The following RRP7A variants were observed in gnomAD, a reference collection of about 807,000 sequenced individuals.
RRP7A encodes ribosomal RNA processing 7 homolog A.
In RRP7A, 27 loss-of-function variants were observed where a neutral mutation model predicts 38.4. The observed-to-expected ratio is 0.70, with a 90% CI of 0.52 to 0.97. The LOEUF (loss-of-function observed/expected upper bound fraction) is 0.97, where lower values mean the gene tolerates loss of function less well. RRP7A is among the 50% of genes least tolerant of loss of function. The pLI, the probability that RRP7A is intolerant of heterozygous loss-of-function variation, is 0.00. For synonymous variants in RRP7A, 124 were observed against 150.3 expected (o/e 0.83, Z 1.28); for missense variants, 327 against 375.4 (o/e 0.87, Z 1.07).
At position 42,509,185 on chromosome 22, in the gene RRP7A, G is replaced by A; in HGVS notation, c.*3725C>T. 3 of 1,602,774 alleles carry A rather than the reference G, an allele frequency of 1.9e-6. No homozygotes were observed. The East Asian group carries it at 6.8e-5, about 36-fold the overall frequency. ...CCAGGAATCTCTGGGAGGGGGCCCT[G>A]GCATGAGGCTCCAAGTTCTCTGCGT... On this transcript the variant is annotated 3_prime_UTR_variant, in exon 7 of 7. Transcript: ENST00000323013.
At position 42,514,470 on chromosome 22, in the gene RRP7A, G is replaced by A. The variant is rs991405134; in HGVS notation, c.559-166C>T. Among the ~76,000 whole-genome samples, 5 of 152,118 alleles carry A rather than the reference G, an allele frequency of 3.3e-5. No homozygotes were observed. The East Asian group carries it at 5.8e-4, about 18-fold the overall frequency. On this transcript the variant is annotated intron_variant, in intron 5 of 6. Transcript: ENST00000323013. ...GGGCTAAGGATGGCGGGGAGGGCAC[G>A]GACCTGCCGGCACTGCCTCCTTCTC...
At chr22:42,517,542 C>G (rs1690817816) in intron 2 of RRP7A, among the ~76,000 whole-genome samples, 1 of 151,832 alleles carries the variant, frequency 6.6e-6, no homozygotes, top group African/African-American at 2.4e-5. Context: ...TTTTTTGAGT[C>G]AGAGTCTCAC....
intron 5 of RRP7A, 87 bp from the exon 6 acceptor site, chr22:42,514,391 C>G: frequency 2.1e-6 from 2 of 946,138 alleles, no homozygotes; most frequent in Non-Finnish European, 3.2e-6. Flanking sequence ...AAAGTCAGAA[C>G]TGCCCTGAGC....
rs1013167378 is a variant in RRP7A at position 42,510,722 on chromosome 22, G to C, written c.*2188C>G. The C allele has an allele frequency of 5.9e-6, 9 of 1,522,874 alleles. No homozygotes were observed. The South Asian group carries it at 9.6e-5, about 16-fold the overall frequency. 94.3% of individuals were successfully genotyped at this position (1,522,874 alleles called of 1,614,324 possible). A position where few individuals can be genotyped will look rare whatever the true frequency, so the allele number is the denominator to read the frequency against. ...AGACACAATGAAATCCACCCTCAAA[G>C]AGGTAAGGCGGGGCTCAGGCAGCTG... On this transcript the variant is annotated 3_prime_UTR_variant, in exon 7 of 7. Coordinates refer to ENST00000323013, the MANE Select transcript of RRP7A (RefSeq NM_015703.5).
intron 3 of RRP7A, among the ~76,000 whole-genome samples, chr22:42,515,519 T>G (rs977825085): frequency 1.3e-5 from 2 of 152,200 alleles, no homozygotes; most frequent in Non-Finnish European, 2.9e-5. Flanking sequence ...CAGAGGCTTC[T>G]TTTCTTCCAG....
intron 4 of RRP7A, among the ~76,000 whole-genome samples, 162 bp from the exon 5 acceptor site, chr22:42,514,941 C>T (rs1569260522): frequency 6.6e-6 from 1 of 150,816 alleles, no homozygotes; most frequent in Non-Finnish European, 1.5e-5. Flanking sequence ...TCTGCCTGCC[C>T]AGTATGCCTG....
In RRP7A at chr22:42,510,889, AGG is replaced by A. The variant is rs1422989202; in HGVS notation, c.*2019_*2020del. 19 of 742,268 alleles carry A rather than the reference AGG, an allele frequency of 2.6e-5. No individual in the cohort carries two copies. The highest frequency in any genetic ancestry group is 3.3e-5 in the Non-Finnish European group (19 of 569,418). 46.0% of individuals were successfully genotyped at this position (742,268 alleles called of 1,614,324 possible). ...TCATGCTCCAGTGATCAGTCCCTAGAGGCCTGGGGACACATGTAATCAGAATT... is the reference window on the plus strand; with the variant it reads ...TCATGCTCCAGTGATCAGTCCCTAGACCTGGGGACACATGTAATCAGAATT... On this transcript the variant is annotated 3_prime_UTR_variant, in exon 7 of 7. Coordinates refer to ENST00000323013, the MANE Select transcript of RRP7A (RefSeq NM_015703.5).
intron 3 of RRP7A, 36 bp downstream of exon 3, chr22:42,515,975 C>G (rs548347780): frequency 5.0e-4 from 775 of 1,561,032 alleles, no homozygotes; most frequent in Middle Eastern, 3.5e-4. Context: ...GCCCCACCCC[C>G]CTCACTCTAG....
chr22:42,509,723 A>G lies in RRP7A; in HGVS notation c.*3187T>C, dbSNP rs1277469982. 6.6e-6 allele frequency among the ~76,000 whole-genome samples: 1 copy of G among 151,752 alleles called. No individual in the cohort carries two copies. The highest frequency in any genetic ancestry group is 1.5e-5 in the Non-Finnish European group (1 of 67,956). On this transcript the variant is annotated 3_prime_UTR_variant, in exon 7 of 7. Coordinates refer to ENST00000323013, the MANE Select transcript of RRP7A (RefSeq NM_015703.5). ...TGAAAACATCGCACTAAGTGGATGA[A>G]GTCAGACACAACCGTCTACGTGTTG... is the stretch of plus-strand genomic sequence containing the variant.
Position 42,512,891 on chromosome 22 carries a change from T to A in RRP7A, c.*19A>T. On this transcript the variant is annotated 3_prime_UTR_variant, in exon 7 of 7. Coordinates refer to ENST00000323013, the MANE Select transcript of RRP7A (RefSeq NM_015703.5). ...CTCCTGGCCCTGCACCTCCAGCCATTCACTGCGGCTCTCACAGCTCAGTAC... is the reference window on the plus strand; with the variant it reads ...CTCCTGGCCCTGCACCTCCAGCCATACACTGCGGCTCTCACAGCTCAGTAC... 1.9e-6 allele frequency: 3 copies of A among 1,561,882 alleles called. No individual in the cohort carries two copies. The highest frequency in any genetic ancestry group is 2.6e-6 in the Non-Finnish European group (3 of 1,137,526).
chr22:42,519,733 G>C lies in RRP7A; in HGVS notation c.54C>G (p.Pro18=), dbSNP rs3207601. ...CAARDPEDRI[P]SPLGYAAIPI... Reference sequence around the variant, plus strand: ...CCTCACCTGCGTAGCCCAGTGGGCTGGGGATACGGTCCTCCGGGTCCCGCG... The same window carrying C: ...CCTCACCTGCGTAGCCCAGTGGGCTCGGGATACGGTCCTCCGGGTCCCGCG... Residue 18 remains proline, a synonymous_variant, in exon 1 of 7, where the codon CCC becomes CCG. Transcript: ENST00000323013. 8.9e-6 allele frequency: 13 copies of C among 1,464,916 alleles called. No individual in the cohort carries two copies. Among genetic ancestry groups the C allele is most frequent in the Middle Eastern group, 3.6e-4 (2 of 5,504 alleles). The allele number at this position is 1,464,916 out of a possible 1,614,324, so 90.7% of individuals were successfully genotyped here. A position where few individuals can be genotyped will look rare whatever the true frequency, so the allele number is the denominator to read the frequency against.
At chr22:42,519,079 A>G (rs1259766800) in intron 1 of RRP7A, among the ~76,000 whole-genome samples, 75 of 147,860 alleles carry the variant, frequency 5.1e-4, no homozygotes, top group Admixed American at 1.5e-3. Context: ...AGAGGGGGGA[A>G]AAAGCATGTT....
Position 42,518,056 on chromosome 22 carries a change from C to A in RRP7A, c.165G>T (p.Trp55Cys). ...HGVRQGTKST[W>C]PQKRTLFVLN... is the part of the protein sequence containing the mutation. ...GGACAAAAAGAGTCCTCTTCTGAGG[C>A]CAGGTGGACTTGGTGCCTTGTCGAA... The change falls in exon 2 of 7, where the codon TGG becomes TGT. Residue 55 changes from tryptophan (W) to cysteine (C), a missense_variant. By Grantham distance (215) the Trp-to-Cys change is radical (BLOSUM62 -2). Transcript: ENST00000323013. 4 of 1,614,038 alleles carry A rather than the reference C, an allele frequency of 2.5e-6. No homozygotes were observed. The highest frequency in any genetic ancestry group is 3.4e-6 in the Non-Finnish European group (4 of 1,179,954).
rs753818776 is a variant in RRP7A at position 42,514,162 on chromosome 22, C to G, written c.701G>C (p.Ser234Thr). The change falls in exon 6 of 7, where the codon AGC becomes ACC. Residue 234 changes from serine to threonine, a missense_variant. Physicochemically the swap from Ser to Thr is moderately conservative, Grantham distance 58 (BLOSUM62 1). This residue lies in a region of RRP7A where 84 missense variants were observed against 82.8 expected (regional missense o/e 1.01). Coordinates refer to ENST00000323013, the MANE Select transcript of RRP7A (RefSeq NM_015703.5). Reference sequence around the variant, plus strand: ...GTAGAAGTTGAGCAGCTCTTTTCGGCTGCGCTTCCGTCTCTCCCTCTCCAG... The same window carrying G: ...GTAGAAGTTGAGCAGCTCTTTTCGGGTGCGCTTCCGTCTCTCCCTCTCCAG... The part of the protein sequence containing the change: ...RVLERERRKR[S>T]RKELLNFYAW... The G allele has an allele frequency of 6.2e-7, 1 of 1,613,406 alleles. No individual in the cohort carries two copies. The highest frequency in any genetic ancestry group is 1.1e-5 in the South Asian group (1 of 91,036).
chr22:42,516,124 G>A lies in RRP7A; in HGVS notation c.229C>T (p.Arg77Cys), dbSNP rs3207606. ...ACGAGGCCACAGGTGGACAGGAGGC[G>A]GGACAGGCTCTCCTGCCGCAGGGAG... Reference protein sequence around the residue: ...PPYCTEESLSRLLSTCGLVQS... With the variant: ...PPYCTEESLSCLLSTCGLVQS... The change falls in exon 3 of 7, where the codon CGC becomes TGC. Residue 77 changes from arginine (R) to cysteine (C), a missense_variant. Transcript: ENST00000323013. 1.4e-5 allele frequency: 23 copies of A among 1,613,092 alleles called. No individual in the cohort carries two copies. Among genetic ancestry groups the A allele is most frequent in the African/African-American group, 2.7e-5 (2 of 74,932 alleles).
rs138533898 is a variant in RRP7A at position 42,512,805 on chromosome 22, C to T, written c.*105G>A. ...GGCTGTTGGACGCGGTGGCCTTCAA[C>T]CTGGGGCCCGTTGGCCAGAGCTCGG... On this transcript the variant is annotated 3_prime_UTR_variant, in exon 7 of 7. Coordinates refer to ENST00000323013, the MANE Select transcript of RRP7A (RefSeq NM_015703.5). 4 of 1,235,594 alleles carry T rather than the reference C, an allele frequency of 3.2e-6. No homozygotes were observed. Among genetic ancestry groups the T allele is most frequent in the African/African-American group, 1.5e-5 (1 of 67,802 alleles). The allele number at this position is 1,235,594 out of a possible 1,614,324, so 76.5% of individuals were successfully genotyped here. A position where few individuals can be genotyped will look rare whatever the true frequency, so the allele number is the denominator to read the frequency against.
intron 2 of RRP7A, among the ~76,000 whole-genome samples, chr22:42,517,466 A>C (rs944947442): frequency 6.6e-6 from 1 of 152,080 alleles, no homozygotes; most frequent in African/African-American, 2.4e-5. Context: ...AAAACACGTA[A>C]TTCAGACAAC....
At chr22:42,519,224 A>G (rs1206565211) in intron 1 of RRP7A, among the ~76,000 whole-genome samples, 6 of 150,200 alleles carry the variant, frequency 4.0e-5, no homozygotes, top group African/African-American at 1.5e-4. Context: ...TGTGGCGCCT[A>G]TCGTGGGCGC....
chr22:42,516,268 G>A lies in RRP7A; in HGVS notation c.217-132C>T, dbSNP rs746583197. ...AGCCACAGCCACATCTGCCCAAGCC[G>A]GGAGACTGTGGGCACCATGGCCTCC... is the stretch of plus-strand genomic sequence containing the variant. On this transcript the variant is annotated intron_variant, in intron 2 of 6. Transcript: ENST00000323013. 6.5e-5 allele frequency: 78 copies of A among 1,207,970 alleles called. No homozygotes were observed. In the African/African-American group the frequency reaches 6.7e-4, roughly 10 times the overall value. 74.8% of individuals were successfully genotyped at this position (1,207,970 alleles called of 1,614,324 possible).
Sources: allele counts gnomAD v4.1 joint callset (sites outside exome capture counted in the v4.1 genomes callset), GRCh38; gene constraint gnomAD v4.1.1; regional missense constraint gnomAD v4.1.1; transcripts MANE v1.5; gene names NCBI Gene and HGNC (gene_info 2026-07-23, HGNC 2026-07-21).